Variants in MARK2 observed in about 807,000 individuals in gnomAD.
The protein encoded by MARK2 is microtubule affinity regulating kinase 2.
MARK2 carries 16 observed loss-of-function variants against 89.8 expected under a neutral mutation model. The ratio of observed to expected loss-of-function variants is 0.18; its 90% confidence interval spans 0.12 to 0.27. The LOEUF (loss-of-function observed/expected upper bound fraction) is 0.27. Among genes scored for constraint, MARK2 ranks in the 10% least tolerant of loss-of-function variants. The pLI is 1.00. For missense variants in MARK2, 621 were observed against 1,049.9 expected (o/e 0.59, Z 5.65); for synonymous variants, 382 against 399.5 (o/e 0.96, Z 0.52).
intron 1 of MARK2, among the ~76,000 whole-genome samples, chr11:63,893,095 G>A (rs963012155): frequency 3.3e-5 from 5 of 150,890 alleles, no homozygotes; most frequent in African/African-American, 9.8e-5. Context: ...TGTATTTTTA[G>A]TAGAGACAAG....
intron 16 of MARK2, 62 bp from the exon 17 acceptor site, chr11:63,906,026 G>A (rs751680936): frequency 3.2e-5 from 42 of 1,314,448 alleles, no homozygotes; most frequent in South Asian, 4.4e-5. Context: ...TCCACATACC[G>A]TCTTGTTGGT....
chr11:63,877,673 A>T (rs1403154797), intron 1 of MARK2, among the ~76,000 whole-genome samples: 6 of 152,090 alleles, frequency 3.9e-5, no homozygotes. Context: ...GCACTCCAGC[A>T]TGGTGACAGA....
chr11:63,839,288 G>A lies in MARK2; in HGVS notation c.-219G>A. 3.1e-6 allele frequency: 1 copy of A among 326,602 alleles called. No homozygotes were observed. The highest frequency in any genetic ancestry group is 5.5e-6 in the Non-Finnish European group (1 of 181,000). The allele number at this position is 326,602 out of a possible 1,614,324, so 20.2% of individuals were successfully genotyped here. A position where few individuals can be genotyped will look rare whatever the true frequency, so the allele number is the denominator to read the frequency against. ...GGCGGCACAGCCCAGCCGGGGGTCG[G>A]GGGGGTGCGGTCCGGAGCCGCTCGG... On this transcript the variant is annotated 5_prime_UTR_variant, in exon 1 of 19. Coordinates refer to ENST00000402010, the MANE Select transcript of MARK2 (RefSeq NM_001039469.3).
At chr11:63,856,887 A>C (rs1021080863) in intron 1 of MARK2, among the ~76,000 whole-genome samples, 7 of 142,576 alleles carry the variant, frequency 4.9e-5, no homozygotes, top group Non-Finnish European at 1.0e-4. Flanking sequence ...GGCTCACTGC[A>C]AGCTCTGCCT....
intron 3 of MARK2, among the ~76,000 whole-genome samples, chr11:63,896,879 C>T (rs1186464354): frequency 2.0e-5 from 3 of 152,130 alleles, no homozygotes; most frequent in African/African-American, 4.8e-5. Context: ...TCGTAATAAT[C>T]GCCAGTCCAC....
chr11:63,860,421 G>A (rs897859126), intron 1 of MARK2, among the ~76,000 whole-genome samples: 4 of 150,040 alleles, frequency 2.7e-5, no homozygotes, highest in Admixed American at 1.3e-4. Flanking sequence ...GCGTGGTGGC[G>A]TGCGCCTGTA....
chr11:63,852,781 A>G (rs10897453), intron 1 of MARK2, among the ~76,000 whole-genome samples: 74,466 of 151,990 alleles, frequency 0.49, 20,580 homozygotes, highest in East Asian at 0.88. Flanking sequence ...GAACATTTTC[A>G]TGTAGTATTA....
At chr11:63,849,400 G>T (rs2016450265) in intron 1 of MARK2, among the ~76,000 whole-genome samples, 1 of 152,184 alleles carries the variant, frequency 6.6e-6, no homozygotes, top group African/African-American at 2.4e-5. Flanking sequence ...GCTGAGAGGA[G>T]AGTCCAAACT....
At chr11:63,858,700 A>G (rs1353542193) in intron 1 of MARK2, among the ~76,000 whole-genome samples, 1 of 152,236 alleles carries the variant, frequency 6.6e-6, no homozygotes, top group Non-Finnish European at 1.5e-5. Flanking sequence ...ACCCACATGA[A>G]GAAAGCCATT....
At chr11:63,845,414 C>G (rs2016229598) in intron 1 of MARK2, among the ~76,000 whole-genome samples, 4 of 152,176 alleles carry the variant, frequency 2.6e-5, no homozygotes, top group Admixed American at 2.6e-4. Flanking sequence ...AGATAGGTGG[C>G]TAAATTTCCT....
At chr11:63,908,787 C>G in intron 18 of MARK2, 90 bp from the exon 19 acceptor site, 1 of 1,342,966 alleles carries the variant, frequency 7.4e-7, no homozygotes, top group Non-Finnish European at 9.8e-7. Flanking sequence ...CCGCTCTCCT[C>G]TCTGGGCTCA....
rs192674977 is a variant in MARK2 at position 63,902,533 on chromosome 11, A to G, written c.1235-68A>G. 557 of 1,486,658 alleles carry G rather than the reference A, an allele frequency of 3.7e-4. 6 individuals are homozygous for G. In the African/African-American group the frequency reaches 7.2e-3, roughly 19 times the overall value. 92.1% of individuals were successfully genotyped at this position (1,486,658 alleles called of 1,614,324 possible). On this transcript the variant is annotated intron_variant, in intron 12 of 18. Transcript: ENST00000402010. The surrounding 1 kb of genome is among the most constrained non-coding windows in gnomAD (Gnocchi z 4.2). ...TTGTTGGCCAGCCCTGTAGGAAATG[A>G]GCATGCGTGGGGCTGGCACTCAGTG...
chr11:63,865,991 G>A (rs965965395), intron 1 of MARK2, among the ~76,000 whole-genome samples: 4 of 152,092 alleles, frequency 2.6e-5, no homozygotes, highest in South Asian at 2.1e-4. Flanking sequence ...TCTCTGGTGC[G>A]TTCCTGTTCT....
chr11:63,842,952 A>G (rs2016093873), intron 1 of MARK2, among the ~76,000 whole-genome samples: 2 of 152,106 alleles, frequency 1.3e-5, no homozygotes. Flanking sequence ...ACCTTGCGTT[A>G]CAGGGAGATT....
intron 1 of MARK2, among the ~76,000 whole-genome samples, chr11:63,843,107 A>T (rs1018488659): frequency 6.6e-6 from 1 of 151,980 alleles, no homozygotes; most frequent in Non-Finnish European, 1.5e-5. Context: ...GCTTTTGCAG[A>T]AGGAGGGTTC....
chr11:63,849,280 C>A (rs1565095235), intron 1 of MARK2, among the ~76,000 whole-genome samples: 1 of 152,194 alleles, frequency 6.6e-6, no homozygotes, highest in Non-Finnish European at 1.5e-5. Flanking sequence ...GTTGCTTTGT[C>A]TTTTTGCTCA....
intron 1 of MARK2, among the ~76,000 whole-genome samples, chr11:63,857,712 A>G (rs757910348): frequency 1.3e-4 from 20 of 152,256 alleles, no homozygotes; most frequent in African/African-American, 1.9e-4. Flanking sequence ...TAAAATTCAT[A>G]TAAACAAAAG....
At chr11:63,891,803 G>A (rs1028344202) in intron 1 of MARK2, among the ~76,000 whole-genome samples, 2 of 152,238 alleles carry the variant, frequency 1.3e-5, no homozygotes, top group African/African-American at 4.8e-5. Context: ...CAGTCTAGCA[G>A]CACTGAAAGG....
At chr11:63,863,443 TCCCCCACCCCCCCAC>T (rs773817476) in intron 1 of MARK2, among the ~76,000 whole-genome samples, 68 of 97,568 alleles carry the variant, frequency 7.0e-4, no homozygotes, top group South Asian at 1.8e-3. Context: ...ACTATTGCCC[TCCCCCACCCCCCCAC>T]CCCCCACCCC....
Sources: allele counts gnomAD v4.1 joint callset (sites outside exome capture counted in the v4.1 genomes callset), GRCh38; gene constraint gnomAD v4.1.1; non-coding constraint Gnocchi (gnomAD v3.1); transcripts MANE v1.5; gene names NCBI Gene and HGNC (gene_info 2026-07-23, HGNC 2026-07-21).